Variants in PCDHA10 observed in about 807,000 individuals in gnomAD.
PCDHA10 encodes the protein protocadherin alpha 10, also known as protocadherin alpha-10.
In PCDHA10, 45 loss-of-function variants were observed where a neutral mutation model predicts 61.2. That is an observed-to-expected ratio of 0.74 (90% CI 0.58 to 0.94). PCDHA10 has a LOEUF of 0.94. Among genes scored for constraint, PCDHA10 ranks in the 40% least tolerant of loss-of-function variants. The pLI is 0.00. For missense variants in PCDHA10, 1,278 were observed against 1,236.2 expected (o/e 1.03, Z -0.51); for synonymous variants, 602 against 548.8 (o/e 1.10, Z -1.35).
chr5:141,000,136 G>A (rs2097893947), intron 3 of PCDHA10, among the ~76,000 whole-genome samples: 2 of 152,034 alleles, frequency 1.3e-5, no homozygotes, highest in South Asian at 4.1e-4. Flanking sequence ...TTCACAAGAA[G>A]TAAACAAAAC....
intron 3 of PCDHA10, among the ~76,000 whole-genome samples, chr5:141,002,059 G>T (rs983772482): frequency 6.6e-6 from 1 of 152,242 alleles, no homozygotes; most frequent in East Asian, 1.9e-4. Flanking sequence ...AGAGGCAGCA[G>T]CAGCCGCCAG....
rs782226254 is a variant in PCDHA10 at position 140,882,345 on chromosome 5, C to T, written c.2388+23909C>T. The T allele has an allele frequency of 6.8e-6, 11 of 1,614,042 alleles. No homozygotes were observed. In the Admixed American group the frequency reaches 1.5e-4, roughly 22 times the overall value. Reference sequence around the variant, plus strand: ...CTTCTGATCCTCGCAGCCTGGGAGACGGGTAGTGGCCAGCTCCACTACTCC... The same window carrying T: ...CTTCTGATCCTCGCAGCCTGGGAGATGGGTAGTGGCCAGCTCCACTACTCC... On this transcript the variant is annotated intron_variant, in intron 1 of 3. Transcript: ENST00000307360.
At chr5:140,925,690 G>GT (rs2082677818) in intron 1 of PCDHA10, among the ~76,000 whole-genome samples, 1 of 149,642 alleles carries the variant, frequency 6.7e-6, no homozygotes, top group African/African-American at 2.5e-5. Flanking sequence ...GCGAGGGTGG[G>GT]TATCTAGCCT....
chr5:140,871,668 T>G (rs2053250173), intron 1 of PCDHA10: 6 of 1,174,012 alleles, frequency 5.1e-6, no homozygotes, highest in Non-Finnish European at 7.0e-6. Context: ...CTTCAGTCTT[T>G]TAATCATATG....
At chr5:140,971,527 A>G (rs116818549) in intron 1 of PCDHA10, among the ~76,000 whole-genome samples, 2,035 of 152,284 alleles carry the variant, frequency 0.013, 20 homozygotes, top group Middle Eastern at 0.054. Context: ...CAGTTCTGAA[A>G]GTCATCATTG....
At chr5:140,868,969 T>G (rs986271383) in intron 1 of PCDHA10, 1 of 1,450,578 alleles carries the variant, frequency 6.9e-7, no homozygotes, top group South Asian at 1.4e-5. Flanking sequence ...ACAAAGGAAC[T>G]CCATCATACC....
At chr5:140,959,285 G>A (rs2095478960) in intron 1 of PCDHA10, among the ~76,000 whole-genome samples, 1 of 152,002 alleles carries the variant, frequency 6.6e-6, no homozygotes, top group African/African-American at 2.4e-5. Flanking sequence ...CCTGAGGTGG[G>A]AGCATCACTG....
At chr5:140,924,906 TA>T (rs1284498744) in intron 1 of PCDHA10, among the ~76,000 whole-genome samples, 1 of 55,776 alleles carries the variant, frequency 1.8e-5, no homozygotes, top group African/African-American at 8.7e-5. Flanking sequence ...AAAAAAAAAA[TA>T]AAATAAAATA....
At position 141,010,088 on chromosome 5, in the gene PCDHA10, C is replaced by T. The variant is rs1165296922; in HGVS notation, c.*151C>T. ...GAAAGTTCCCTGTGTCTGTCTAGAA[C>T]GCATTTAACAGGTTTTGTCGTAAAA... On this transcript the variant is annotated 3_prime_UTR_variant, in exon 4 of 4. Transcript: ENST00000307360. 2.0e-5 allele frequency: 33 copies of T among 1,612,012 alleles called. No homozygotes were observed. Among genetic ancestry groups the T allele is most frequent in the South Asian group, 4.4e-5 (4 of 90,728 alleles).
intron 1 of PCDHA10, among the ~76,000 whole-genome samples, chr5:140,978,306 A>C (rs2096795659): frequency 6.6e-6 from 1 of 152,230 alleles, no homozygotes; most frequent in Non-Finnish European, 1.5e-5. Flanking sequence ...GCACTCAGGA[A>C]GGAGCAGGAA....
chr5:140,966,280 G>C (rs782249047), intron 1 of PCDHA10: 3 of 365,660 alleles, frequency 8.2e-6, no homozygotes, highest in African/African-American at 4.2e-5. Flanking sequence ...CTGGACAGTG[G>C]GGGTAGGGAG....
At chr5:140,969,131 A>C in intron 1 of PCDHA10, 1 of 1,614,138 alleles carries the variant, frequency 6.2e-7, no homozygotes, top group African/African-American at 1.3e-5. Flanking sequence ...CTCCCTCACC[A>C]AGACCTACTG....
intron 1 of PCDHA10, among the ~76,000 whole-genome samples, chr5:140,908,393 A>G (rs1295544122): frequency 2.0e-5 from 3 of 152,132 alleles, no homozygotes; most frequent in Non-Finnish European, 4.4e-5. Context: ...CCGATCACAT[A>G]TATACCACTT....
chr5:141,000,418 T>TAA (rs2097924814), intron 3 of PCDHA10, among the ~76,000 whole-genome samples: 1 of 83,682 alleles, frequency 1.2e-5, no homozygotes, highest in Non-Finnish European at 2.2e-5. Context: ...TATATATATA[T>TAA]ATATTTTTTT....
At position 141,010,031 on chromosome 5, in the gene PCDHA10, A is replaced by C; in HGVS notation, c.*94A>C. On this transcript the variant is annotated 3_prime_UTR_variant, in exon 4 of 4. Transcript: ENST00000307360. Reference sequence around the variant, plus strand: ...TTCCCTGCTCCTTTTTCCTATCTACATGAGCCCTCTTAGAGACCTCAGAAA... The same window carrying C: ...TTCCCTGCTCCTTTTTCCTATCTACCTGAGCCCTCTTAGAGACCTCAGAAA... 4 of 1,581,690 alleles carry C rather than the reference A, an allele frequency of 2.5e-6. No individual in the cohort carries two copies. Among genetic ancestry groups the C allele is most frequent in the South Asian group, 1.2e-5 (1 of 84,422 alleles).
chr5:140,942,511 CAG>C (rs574477918), intron 1 of PCDHA10, among the ~76,000 whole-genome samples: 21 of 151,458 alleles, frequency 1.4e-4, no homozygotes, highest in Non-Finnish European at 2.8e-4. Flanking sequence ...CTAGGAAACT[CAG>C]AGGGGAAGCA....
intron 1 of PCDHA10, 59 bp downstream of exon 1, chr5:140,858,495 G>A (rs2045450784): frequency 6.7e-7 from 1 of 1,481,628 alleles, no homozygotes; most frequent in East Asian, 2.5e-5. Flanking sequence ...TTCTCTTACC[G>A]CATTTTCTCA....
chr5:140,898,147 C>G (rs2066556304), intron 1 of PCDHA10, among the ~76,000 whole-genome samples: 1 of 152,150 alleles, frequency 6.6e-6, no homozygotes, highest in Non-Finnish European at 1.5e-5. Context: ...GTTGCCTGTT[C>G]ACGCTGATGG....
chr5:141,006,425 G>A (rs1483231288), intron 3 of PCDHA10, among the ~76,000 whole-genome samples: 2 of 152,080 alleles, frequency 1.3e-5, no homozygotes, highest in African/African-American at 4.8e-5. Context: ...GTGTTAGCCA[G>A]GATGGTCTCA....
Sources: allele counts gnomAD v4.1 joint callset (sites outside exome capture counted in the v4.1 genomes callset), GRCh38; gene constraint gnomAD v4.1.1; transcripts MANE v1.5; gene names NCBI Gene and HGNC (gene_info 2026-07-23, HGNC 2026-07-21).